The following ADAMTS18 variants were observed in gnomAD, a reference collection of about 807,000 sequenced individuals.
The protein encoded by ADAMTS18 is A disintegrin and metalloproteinase with thrombospondin motifs 18.
Under a neutral mutation model 165.9 loss-of-function variants are expected in ADAMTS18, and 157 were observed. The ratio of observed to expected loss-of-function variants is 0.95; its 90% confidence interval spans 0.83 to 1.08. The LOEUF is 1.08. Ranked by LOEUF, ADAMTS18 falls within the 50% of genes least tolerant of loss-of-function variation. The probability of loss-of-function intolerance (pLI) is 0.00; values close to 1 mark genes in which losing one functional copy is unlikely to be tolerated. For missense variants in ADAMTS18, 2,040 were observed against 1,534.0 expected (o/e 1.33, Z -5.51); for synonymous variants, 782 against 578.2 (o/e 1.35, Z -5.06).
chr16:77,336,644 C>G (rs1343961179), intron 11 of ADAMTS18, among the ~76,000 whole-genome samples: 2 of 152,192 alleles, frequency 1.3e-5, no homozygotes, highest in Non-Finnish European at 2.9e-5. Context: ...ATGATCTGTA[C>G]AAGCTAGATG....
At chr16:77,284,569 G>C (rs1279848784) in intron 22 of ADAMTS18, among the ~76,000 whole-genome samples, 1 of 152,016 alleles carries the variant, frequency 6.6e-6, no homozygotes, top group Non-Finnish European at 1.5e-5. Context: ...GACTTTGGTA[G>C]GGGGGTGAGG....
chr16:77,396,746 G>A (rs926829887), intron 3 of ADAMTS18, among the ~76,000 whole-genome samples: 2 of 151,290 alleles, frequency 1.3e-5, no homozygotes, highest in Non-Finnish European at 2.9e-5. Flanking sequence ...TCAGAGAGCT[G>A]CACATTAAAC....
chr16:77,357,477 T>C (rs2056648493), intron 8 of ADAMTS18, among the ~76,000 whole-genome samples: 1 of 152,200 alleles, frequency 6.6e-6, no homozygotes, highest in East Asian at 1.9e-4. Flanking sequence ...GGGGATTTCT[T>C]TGGGAGACAC....
intron 3 of ADAMTS18, among the ~76,000 whole-genome samples, chr16:77,419,064 G>T (rs1347958395): frequency 6.6e-6 from 1 of 152,162 alleles, no homozygotes; most frequent in Non-Finnish European, 1.5e-5. Flanking sequence ...CAGGAGAAAT[G>T]CTTGAATCCA....
intron 9 of ADAMTS18, among the ~76,000 whole-genome samples, chr16:77,354,518 A>G (rs1052019001): frequency 9.9e-5 from 15 of 152,114 alleles, no homozygotes; most frequent in African/African-American, 3.6e-4. Context: ...GGATATTCTT[A>G]GCACCTTATC....
chr16:77,326,812 T>G (rs1019174925), intron 12 of ADAMTS18, among the ~76,000 whole-genome samples: 2 of 152,248 alleles, frequency 1.3e-5, no homozygotes, highest in African/African-American at 4.8e-5. Flanking sequence ...ACAGACTGTT[T>G]CATCACCCAG....
chr16:77,355,829 T>A, intron 9 of ADAMTS18, 111 bp downstream of exon 9: 1 of 1,301,156 alleles, frequency 7.7e-7, no homozygotes, highest in Non-Finnish European at 1.1e-6. Context: ...GTCTTTCTGT[T>A]TATTGACAGG....
chr16:77,425,047 T>C (rs1443425233), intron 3 of ADAMTS18, among the ~76,000 whole-genome samples: 2 of 152,142 alleles, frequency 1.3e-5, no homozygotes, highest in Non-Finnish European at 2.9e-5. Context: ...GCTTTCTGAG[T>C]CATAAAATAC....
intron 10 of ADAMTS18, among the ~76,000 whole-genome samples, chr16:77,345,720 T>C (rs2056465814): frequency 6.6e-6 from 1 of 152,192 alleles, no homozygotes; most frequent in Admixed American, 6.5e-5. Flanking sequence ...ACATTTCAGG[T>C]TCATGTGTAG....
rs919376 is a variant in ADAMTS18, at chr16:77,421,424, T to G, written c.495+9871A>C. 5.1e-4 allele frequency among the ~76,000 whole-genome samples: 78 copies of G among 152,174 alleles called. 1 individual carries two copies. In the South Asian group the frequency reaches 0.015, roughly 30 times the overall value. Reference sequence around the variant, plus strand: ...AAGTCCAAGCAAATGTTTTTGGTCATGAAAGCCTTAGTGCTATCATTAGGC... The same window carrying G: ...AAGTCCAAGCAAATGTTTTTGGTCAGGAAAGCCTTAGTGCTATCATTAGGC... On this transcript the variant is annotated intron_variant, in intron 3 of 22. Transcript: ENST00000282849.
Position 77,417,665 on chromosome 16 carries a change from G to C in ADAMTS18, c.495+13630C>G, listed in dbSNP as rs569527106. 2.0e-5 allele frequency among the ~76,000 whole-genome samples: 3 copies of C among 152,306 alleles called. No individual in the cohort carries two copies. The South Asian group carries it at 6.2e-4, about 32-fold the overall frequency. On this transcript the variant is annotated intron_variant, in intron 3 of 22. Transcript: ENST00000282849. ...TTTTAAAAGAACTAAAGTGTAAGTG[G>C]CATATGTATACATGTGCCATGCTGG...
chr16:77,401,073 T>C (rs1008026061), intron 3 of ADAMTS18, among the ~76,000 whole-genome samples: 1 of 151,754 alleles, frequency 6.6e-6, no homozygotes, highest in African/African-American at 2.4e-5. Flanking sequence ...CTGGCCAACA[T>C]GGAGAAACCA....
At chr16:77,372,068 A>G (rs553760599) in intron 3 of ADAMTS18, among the ~76,000 whole-genome samples, 2 of 152,322 alleles carry the variant, frequency 1.3e-5, no homozygotes, top group African/African-American at 4.8e-5. Context: ...TCAAAACCAT[A>G]TGAGATATTA....
chr16:77,341,179 G>A (rs542786298), intron 11 of ADAMTS18, among the ~76,000 whole-genome samples: 1 of 152,278 alleles, frequency 6.6e-6, no homozygotes, highest in Non-Finnish European at 1.5e-5. Context: ...CTCTGGGTAG[G>A]AGATGCTCAC....
intron 7 of ADAMTS18, 140 bp from the exon 8 acceptor site, chr16:77,359,563 A>G (rs1054010839): frequency 1.4e-5 from 9 of 653,530 alleles, no homozygotes; most frequent in Non-Finnish European, 1.9e-5. Flanking sequence ...AAAAAAAAAA[A>G]AAAGATCTAT....
chr16:77,295,662 T>C (rs1025965172), intron 18 of ADAMTS18, among the ~76,000 whole-genome samples: 5 of 152,186 alleles, frequency 3.3e-5, no homozygotes, highest in Non-Finnish European at 7.4e-5. Flanking sequence ...GGGGTACATT[T>C]AGAGAAGGTC....
intron 3 of ADAMTS18, among the ~76,000 whole-genome samples, chr16:77,416,632 G>T (rs1025049571): frequency 6.6e-6 from 1 of 152,184 alleles, no homozygotes; most frequent in Non-Finnish European, 1.5e-5. Flanking sequence ...ATCTGGAACT[G>T]TGAATCCATT....
rs1010678741 is a variant in ADAMTS18, at chr16:77,282,158, T to C, written c.*1798A>G. On this transcript the variant is annotated 3_prime_UTR_variant, in exon 23 of 23. Coordinates refer to ENST00000282849, the MANE Select transcript of ADAMTS18 (RefSeq NM_199355.4). ...GATAAAGAAATGGAATACTTTATTA[T>C]AAAACTTATAAAATAATTAAATATT... 2.0e-5 allele frequency: 3 copies of C among 152,182 alleles called. No individual in the cohort carries two copies. The highest frequency in any genetic ancestry group is 7.2e-5 in the African/African-American group (3 of 41,456). 9.4% of individuals were successfully genotyped at this position (152,182 alleles called of 1,614,324 possible).
chr16:77,415,069 C>A (rs534746799), intron 3 of ADAMTS18, among the ~76,000 whole-genome samples: 2 of 152,298 alleles, frequency 1.3e-5, no homozygotes, highest in South Asian at 4.2e-4. Flanking sequence ...GTAATGTATC[C>A]AAGATGCACT....
Sources: gnomAD v4.1 joint callset for allele counts (sites outside exome capture counted in the v4.1 genomes callset) on GRCh38, gnomAD v4.1.1 for gene constraint, MANE v1.5 for transcripts, NCBI Gene and HGNC (gene_info 2026-07-23, HGNC 2026-07-21) for gene names.